ZSCAN5A: variants seen among roughly 807,000 people sequenced by gnomAD.
ZSCAN5A encodes zinc finger and SCAN domain containing 5A, also known as zinc finger and SCAN domain-containing protein 5A.
A neutral mutation model predicts 23.7 loss-of-function variants in ZSCAN5A; 12 were observed. That is an observed-to-expected ratio of 0.51 (90% CI 0.32 to 0.82). The LOEUF is 0.82. Among genes scored for constraint, ZSCAN5A ranks in the 40% least tolerant of loss-of-function variants. ZSCAN5A has a pLI of 0.03. For synonymous variants in ZSCAN5A, 257 were observed against 239.9 expected, an observed-to-expected ratio of 1.07 and a Z score of -0.66; for missense variants, 597 against 617.9, an observed-to-expected ratio of 0.97 and a Z score of 0.36.
chr19:56,321,892 G>C (rs1568750983), intron 2 of ZSCAN5A: 1 of 791,398 alleles, frequency 1.3e-6, no homozygotes, highest in Admixed American at 1.7e-5. Flanking sequence ...GCTCATCAAG[G>C]GCTTCTGTTA....
intron 2 of ZSCAN5A, among the ~76,000 whole-genome samples, chr19:56,344,927 A>AAAAAAAAAG (rs1568761632): frequency 6.8e-6 from 1 of 147,944 alleles, no homozygotes; most frequent in African/African-American, 2.5e-5. Context: ...AAAAAAAAAA[A>AAAAAAAAAG]AAAAAAAAGA....
intron 2 of ZSCAN5A, among the ~76,000 whole-genome samples, chr19:56,285,791 A>T (rs1263042660): frequency 6.6e-6 from 1 of 151,658 alleles, no homozygotes; most frequent in East Asian, 2.0e-4. Flanking sequence ...GTTTTGTTTT[A>T]TTTTGTTTTG....
In ZSCAN5A at chr19:56,351,688, C is replaced by G. The variant is rs2041668371; in HGVS notation, c.-358+11547G>C. 6.6e-6 allele frequency among the ~76,000 whole-genome samples: 1 copy of G among 152,192 alleles called. No homozygotes were observed. The highest frequency in any genetic ancestry group is 2.1e-4 in the South Asian group (1 of 4,836). On this transcript the variant is annotated intron_variant, in intron 2 of 6. Coordinates refer to the ZSCAN5A transcript ENST00000587340. This position sits in a 1 kb window ranked among gnomAD's most constrained non-coding sequence, Gnocchi z 4.8. The stretch of plus-strand genomic sequence containing the variant: ...TCCTATCAGCACCAGACCAAAAAGC[C>G]TGGTAATCGTCCAGTCATCGGAGCT...
chr19:56,280,347 C>T (rs2038597563), intron 2 of ZSCAN5A, among the ~76,000 whole-genome samples: 1 of 152,162 alleles, frequency 6.6e-6, no homozygotes, highest in Admixed American at 6.6e-5. Flanking sequence ...TGACCAGTCA[C>T]ATACTAATGG....
At chr19:56,322,892 CTT>C (rs397859568) in intron 2 of ZSCAN5A, among the ~76,000 whole-genome samples, 5,070 of 126,296 alleles carry the variant, frequency 0.04, 33 homozygotes, top group South Asian at 0.088. Flanking sequence ...TTATTGGTTT[CTT>C]TTTTTTTTTT....
intron 2 of ZSCAN5A, among the ~76,000 whole-genome samples, chr19:56,244,641 C>G (rs1342419187): frequency 1.3e-5 from 2 of 148,318 alleles, no homozygotes; most frequent in African/African-American, 5.2e-5. Flanking sequence ...CTCTAATGCT[C>G]AGGACAACCC....
chr19:56,267,951 G>A (rs1460937858), intron 2 of ZSCAN5A, among the ~76,000 whole-genome samples: 1 of 152,214 alleles, frequency 6.6e-6, no homozygotes, highest in Non-Finnish European at 1.5e-5. Flanking sequence ...ACAGCCAGGA[G>A]GTGGAGGGAG....
At chr19:56,247,939 C>T (rs988583096) in intron 2 of ZSCAN5A, among the ~76,000 whole-genome samples, 1 of 152,206 alleles carries the variant, frequency 6.6e-6, no homozygotes, top group African/African-American at 2.4e-5. Context: ...ATCCGCCCGC[C>T]TCACCCTCCC....
At chr19:56,256,160 C>A (rs2036677514) in intron 2 of ZSCAN5A, among the ~76,000 whole-genome samples, 1 of 152,122 alleles carries the variant, frequency 6.6e-6, no homozygotes, top group African/African-American at 2.4e-5. Flanking sequence ...CATCCATAAT[C>A]CCACCATAAA....
intron 2 of ZSCAN5A, among the ~76,000 whole-genome samples, chr19:56,242,047 T>C (rs906154267): frequency 2.6e-5 from 4 of 152,186 alleles, no homozygotes; most frequent in African/African-American, 7.2e-5. Context: ...TTCCTCTGTG[T>C]ACCTGCCCCG....
At chr19:56,311,325 G>A (rs1302832658) in intron 2 of ZSCAN5A, among the ~76,000 whole-genome samples, 2 of 152,016 alleles carry the variant, frequency 1.3e-5, no homozygotes, top group East Asian at 3.9e-4. Flanking sequence ...CTGAATTACT[G>A]TTTTGGGTGG....
chr19:56,246,407 TA>T, intron 2 of ZSCAN5A: 1 of 567,030 alleles, frequency 1.8e-6, no homozygotes, highest in Non-Finnish European at 3.2e-6. Context: ...GATCTGAACG[TA>T]GACAGGGAAG....
At chr19:56,266,493 C>CCTTTTTTTTTTTTTTT (rs371491455) in intron 2 of ZSCAN5A, 1 of 58,002 alleles carries the variant, frequency 1.7e-5, no homozygotes, top group Non-Finnish European at 3.4e-5. Flanking sequence ...GATGCCCCCA[C>CCTTTTTTTTTTTTTTT]TTTTTTTTTT....
intron 2 of ZSCAN5A, among the ~76,000 whole-genome samples, chr19:56,267,558 G>T (rs140966647): frequency 2.0e-5 from 3 of 152,314 alleles, no homozygotes; most frequent in Non-Finnish European, 4.4e-5. Context: ...CTCAGCAGCC[G>T]CACGTGGCTA....
intron 2 of ZSCAN5A, among the ~76,000 whole-genome samples, chr19:56,249,461 A>G (rs144214679): frequency 0.031 from 4,644 of 152,214 alleles, 256 homozygotes; most frequent in African/African-American, 0.11. Flanking sequence ...TAGTAGAGAC[A>G]GGGTTTCGCC....
intron 2 of ZSCAN5A, among the ~76,000 whole-genome samples, chr19:56,242,010 GT>G (rs1231714912): frequency 6.6e-6 from 1 of 152,194 alleles, no homozygotes; most frequent in Non-Finnish European, 1.5e-5. Flanking sequence ...GAGTTTCACT[GT>G]TTTGGAGTCC....
In ZSCAN5A at chr19:56,260,058, A is replaced by G. The variant is rs1600117674; in HGVS notation, c.-127-34885T>C. Among the ~76,000 whole-genome samples, 3 of 152,328 alleles carry G rather than the reference A, an allele frequency of 2.0e-5. No individual in the cohort carries two copies. The South Asian group carries it at 6.2e-4, about 32-fold the overall frequency. On this transcript the variant is annotated intron_variant, in intron 2 of 5. Transcript: ENST00000683990. Reference sequence around the variant, plus strand: ...AGTTAATAAAAATAACAATGAAACAATATCGGCAAGGAGAACACCACTAAC... The same window carrying G: ...AGTTAATAAAAATAACAATGAAACAGTATCGGCAAGGAGAACACCACTAAC...
intron 2 of ZSCAN5A, chr19:56,304,678 G>A: frequency 2.0e-6 from 1 of 488,642 alleles, no homozygotes; most frequent in Non-Finnish European, 2.7e-6. Flanking sequence ...GAGCAGAGGG[G>A]GAGGACGGGA....
intron 2 of ZSCAN5A, chr19:56,348,175 G>A (rs946801136): frequency 6.6e-6 from 1 of 152,222 alleles, no homozygotes; most frequent in African/African-American, 2.4e-5. Context: ...AGGAGCTCTG[G>A]ATGATTCTGG....
Sources: gnomAD v4.1 joint callset for allele counts (sites outside exome capture counted in the v4.1 genomes callset) on GRCh38, gnomAD v4.1.1 for gene constraint, Gnocchi (gnomAD v3.1) non-coding constraint, MANE v1.5 for transcripts, NCBI Gene and HGNC (gene_info 2026-07-23, HGNC 2026-07-21) for gene names.